TARDBP: variants seen among roughly 807,000 people sequenced by gnomAD.
TARDBP encodes TAR DNA binding protein.
TARDBP carries 4 observed loss-of-function variants against 38.3 expected under a neutral mutation model. That is an observed-to-expected ratio of 0.10 (90% CI 0.05 to 0.24). The LOEUF (loss-of-function observed/expected upper bound fraction) is 0.24, where lower values mean the gene tolerates loss of function less well. Ranked by LOEUF, TARDBP falls within the 10% of genes least tolerant of loss-of-function variation. TARDBP has a pLI of 1.00. For synonymous variants in TARDBP, 184 were observed against 183.8 expected (o/e 1.00, Z -0.01); for missense variants, 202 against 521.9 (o/e 0.39, Z 5.97).
chr1:11,019,582 T>A (rs1351271112), intron 4 of TARDBP, among the ~76,000 whole-genome samples: 1 of 152,014 alleles, frequency 6.6e-6, no homozygotes, highest in East Asian at 1.9e-4. Context: ...TTTTTTTTTT[T>A]GAGAGAGAGA....
Position 11,013,764 on chromosome 1 carries a change from G to C in TARDBP, c.37G>C (p.Asp13His), listed in dbSNP as rs1643462850. 1.2e-6 allele frequency: 2 copies of C among 1,612,744 alleles called. No individual in the cohort carries two copies. Among genetic ancestry groups the C allele is most frequent in the Admixed American group, 1.7e-5 (1 of 59,668 alleles). The change falls in exon 2 of 6, where the codon GAT becomes CAT. Residue 13 changes from aspartate (D) to histidine (H), a missense_variant. This residue lies in a region of TARDBP where 12 missense variants were observed against 26.3 expected (regional missense o/e 0.46). Transcript: ENST00000240185. Reference protein sequence around the residue: ...EYIRVTEDENDEPIEIPSEDD... With the variant: ...EYIRVTEDENHEPIEIPSEDD... ...TATTCGGGTAACCGAAGATGAGAACGATGAGCCCATTGAAATACCATCGGA... is the reference window on the plus strand; with the variant it reads ...TATTCGGGTAACCGAAGATGAGAACCATGAGCCCATTGAAATACCATCGGA...
chr1:11,013,839 G>T lies in TARDBP; in HGVS notation c.112G>T (p.Ala38Ser). The change falls in exon 2 of 6, where the codon GCG (alanine) becomes TCG (serine). Residue 38 changes from alanine to serine, a missense_variant. Transcript: ENST00000240185. ...CACGGTTACAGCCCAGTTTCCAGGG[G>T]CGTGTGGGCTTCGCTACAGGAATCC... is the stretch of plus-strand genomic sequence containing the variant. ...LSTVTAQFPG[A>S]CGLRYRNPVS... 1 of 1,614,102 alleles carries T rather than the reference G, an allele frequency of 6.2e-7. No individual in the cohort carries two copies. Among genetic ancestry groups the T allele is most frequent in the Non-Finnish European group, 8.5e-7 (1 of 1,179,942 alleles).
At chr1:11,020,342 A>T in intron 4 of TARDBP, 87 bp from the exon 5 acceptor site, 1 of 1,531,322 alleles carries the variant, frequency 6.5e-7, no homozygotes. Context: ...TCCAAGGCGA[A>T]TGATTTTGTT....
chr1:11,016,409 C>G (rs992218129), intron 2 of TARDBP, among the ~76,000 whole-genome samples: 1 of 152,206 alleles, frequency 6.6e-6, no homozygotes, highest in African/African-American at 2.4e-5. Context: ...TCCTGAGTTG[C>G]TGGAACTTAC....
intron 3 of TARDBP, among the ~76,000 whole-genome samples, chr1:11,018,068 G>A (rs1450769196): frequency 4.0e-5 from 6 of 151,540 alleles, no homozygotes; most frequent in Admixed American, 2.0e-4. Context: ...ATTTTTAGTA[G>A]AGATGGGGTT....
At chr1:11,013,525 C>T (rs374486059) in intron 1 of TARDBP, among the ~76,000 whole-genome samples, 191 bp from the exon 2 acceptor site, 99 of 152,326 alleles carry the variant, frequency 6.5e-4, no homozygotes, top group African/African-American at 2.2e-3. Context: ...ACTGGCGAGG[C>T]ATCACATTTT....
chr1:11,018,823 C>T lies in TARDBP; in HGVS notation c.493C>T (p.Arg165Ter). 1 of 1,614,126 alleles carries T rather than the reference C, an allele frequency of 6.2e-7. No individual in the cohort carries two copies. The highest frequency in any genetic ancestry group is 8.5e-7 in the Non-Finnish European group (1 of 1,180,022). Residue 165 changes from arginine (R) to a stop codon, truncating the protein, a stop_gained, in exon 4 of 6, where the codon CGA becomes TGA. Coordinates refer to ENST00000240185, the MANE Select transcript of TARDBP (RefSeq NM_007375.4). LOFTEE classifies it high-confidence loss of function. ...YETQVKVMSQ[R>*]HMIDGRWCDC... ...AACACAAGTGAAAGTAATGTCACAG[C>T]GACATATGATAGATGGACGATGGTG...
downstream of TARDBP, chr1:11,025,763 A>G (rs1274389147): frequency 6.5e-6 from 1 of 153,598 alleles, no homozygotes; most frequent in East Asian, 1.9e-4. Context: ...CTAAAACCAA[A>G]TGAGATTTTT....
At position 11,022,450 on chromosome 1, in the gene TARDBP, A is replaced by G. The variant is rs571100031; in HGVS notation, c.1041A>G (p.Ser347=). The change falls in exon 6 of 6, where the codon TCA becomes TCG. Residue 347 remains serine (S), a synonymous_variant. Coordinates refer to ENST00000240185, the MANE Select transcript of TARDBP (RefSeq NM_007375.4). This position sits in a 1 kb window ranked among gnomAD's most constrained non-coding sequence, Gnocchi z 4.5. ...MGMLASQQNQ[S]GPSGNNQNQG... ...TGTTAGCCAGCCAGCAGAACCAGTC[A>G]GGCCCATCGGGTAATAACCAAAACC... 2.0e-4 allele frequency: 320 copies of G among 1,613,250 alleles called. 4 individuals carry two copies. In the South Asian group the frequency reaches 3.5e-3, roughly 17 times the overall value.
chr1:11,019,020 A>C, intron 4 of TARDBP, 147 bp downstream of exon 4: 2 of 983,622 alleles, frequency 2.0e-6, no homozygotes, highest in Middle Eastern at 2.2e-4. Context: ...CCCTTAGTGC[A>C]TGCTGAATAT....
In TARDBP at chr1:11,022,609, C is replaced by T. The variant is rs1643663579; in HGVS notation, c.1200C>T (p.Gly400=). The T allele has an allele frequency of 6.3e-7, 1 of 1,596,966 alleles. No homozygotes were observed. The highest frequency in any genetic ancestry group is 1.8e-5 in the Admixed American group (1 of 56,612). ...GGTCGGGCAGTGGTTTTAATGGAGGCTTTGGCTCAAGCATGGATTCTAAGT... is the reference window on the plus strand; with the variant it reads ...GGTCGGGCAGTGGTTTTAATGGAGGTTTTGGCTCAAGCATGGATTCTAAGT... ...NAGSGSGFNG[G]FGSSMDSKSS... Residue 400 remains glycine, a synonymous_variant, in exon 6 of 6, where the codon GGC becomes GGT. Transcript: ENST00000240185. The surrounding 1 kb of genome is among the most constrained non-coding windows in gnomAD (Gnocchi z 4.5).
At chr1:11,027,582 TCAC>T (rs769805840), downstream of TARDBP, 1 of 1,614,144 alleles carries the variant, frequency 6.2e-7, no homozygotes, top group South Asian at 1.1e-5. Context: ...CCAAGGAAAA[TCAC>T]CAGGTTTTGC....
At chr1:11,028,698 T>A (rs1056158442), downstream of TARDBP, among the ~76,000 whole-genome samples, 3 of 28,536 alleles carry the variant, frequency 1.1e-4, no homozygotes, top group Non-Finnish European at 1.1e-4. Flanking sequence ...TCTTTCTGGG[T>A]TTTTTTTCTT....
rs145364830 is a variant in TARDBP at position 11,022,354 on chromosome 1, G to A, written c.945G>A (p.Ala315=). The A allele has an allele frequency of 2.2e-4, 351 of 1,613,810 alleles. No individual in the cohort carries two copies. Among genetic ancestry groups the A allele is most frequent in the South Asian group, 3.6e-4 (33 of 91,082 alleles). The stretch of plus-strand genomic sequence containing the variant: ...TGGGTGGTGGGATGAACTTTGGTGC[G>A]TTCAGCATTAATCCAGCCATGATGG... ...SNMGGGMNFG[A]FSINPAMMAA... is the part of the protein sequence containing the mutation. The change falls in exon 6 of 6, where the codon GCG becomes GCA. Residue 315 remains alanine, a synonymous_variant. Transcript: ENST00000240185. The surrounding 1 kb of genome is among the most constrained non-coding windows in gnomAD (Gnocchi z 4.5).
intron 3 of TARDBP, among the ~76,000 whole-genome samples, chr1:11,018,065 G>A (rs932095755): frequency 6.7e-5 from 10 of 149,992 alleles, no homozygotes; most frequent in African/African-American, 2.5e-4. Context: ...TGTATTTTTA[G>A]TAGAGATGGG....
intron 1 of TARDBP, among the ~76,000 whole-genome samples, chr1:11,013,154 C>G (rs1396438863): frequency 6.6e-6 from 1 of 152,258 alleles, no homozygotes. Context: ...GACCTGTCGC[C>G]GCGGGCCTTG....
chr1:11,026,834 T>C, downstream of TARDBP: 2 of 1,428,246 alleles, frequency 1.4e-6, no homozygotes, highest in Non-Finnish European at 1.8e-6. Flanking sequence ...GCTGCCAAGG[T>C]CTTCACAGGC....
downstream of TARDBP, chr1:11,030,478 A>G (rs1041362839): frequency 1.7e-6 from 1 of 581,564 alleles, no homozygotes; most frequent in Non-Finnish European, 3.0e-6. Context: ...CAAGATCTCA[A>G]GTGCTTAATG....
At chr1:11,027,170 A>G (rs1164834457), downstream of TARDBP, 3 of 1,614,170 alleles carry the variant, frequency 1.9e-6, no homozygotes, top group Non-Finnish European at 2.5e-6. Context: ...GATGGTCAAC[A>G]ATCGGTATGT....
Sources: gnomAD v4.1 joint callset for allele counts (sites outside exome capture counted in the v4.1 genomes callset) on GRCh38, gnomAD v4.1.1 for gene constraint, gnomAD v4.1.1 regional missense constraint, Gnocchi (gnomAD v3.1) non-coding constraint, MANE v1.5 for transcripts, NCBI Gene and HGNC (gene_info 2026-07-23, HGNC 2026-07-21) for gene names.